SSBP2: variants seen among roughly 807,000 people sequenced by gnomAD.
SSBP2 encodes single stranded DNA binding protein 2.
SSBP2 carries 17 observed loss-of-function variants against 61.8 expected under a neutral mutation model. That is an observed-to-expected ratio of 0.28 (90% CI 0.19 to 0.41). The LOEUF (loss-of-function observed/expected upper bound fraction) is 0.41, where lower values mean the gene tolerates loss of function less well. Ranked by LOEUF, SSBP2 falls within the 10% of genes least tolerant of loss-of-function variation. The pLI is 1.00. For synonymous variants in SSBP2, 139 were observed against 141.3 expected (o/e 0.98, Z 0.12); for missense variants, 310 against 458.7 (o/e 0.68, Z 2.96).
intron 4 of SSBP2, among the ~76,000 whole-genome samples, chr5:81,552,001 A>AGGAGG: frequency 6.6e-6 from 1 of 152,156 alleles, no homozygotes; most frequent in Non-Finnish European, 1.5e-5. Flanking sequence ...CAGTGTATCA[A>AGGAGG]CTCACACTTC....
At chr5:81,453,430 T>C (rs910633363) in intron 10 of SSBP2, among the ~76,000 whole-genome samples, 2 of 151,286 alleles carry the variant, frequency 1.3e-5, no homozygotes, top group Non-Finnish European at 1.5e-5. Context: ...ATGCAGTGAT[T>C]AGGAAATATC....
intron 9 of SSBP2, among the ~76,000 whole-genome samples, chr5:81,465,328 T>A (rs538413142): frequency 2.0e-5 from 3 of 152,056 alleles, no homozygotes; most frequent in South Asian, 4.1e-4. Context: ...CAAAAAGTAA[T>A]CATATTAAAA....
Position 81,475,661 on chromosome 5 carries a change from C to T in SSBP2, c.433-1099G>A, listed in dbSNP as rs180907656. 4.6e-5 allele frequency among the ~76,000 whole-genome samples: 7 copies of T among 152,054 alleles called. No individual in the cohort carries two copies. In the East Asian group the frequency reaches 1.4e-3, roughly 29 times the overall value. On this transcript the variant is annotated intron_variant, in intron 6 of 16. Transcript: ENST00000320672. ...ATCAACAATGTTTAAATGCCAACCA[C>T]TAAAAACAAGACAAAATAAAAACTA...
intron 4 of SSBP2, among the ~76,000 whole-genome samples, chr5:81,528,804 T>C (rs1770160512): frequency 6.6e-6 from 1 of 152,060 alleles, no homozygotes. Flanking sequence ...AAAGGAACAA[T>C]TTACAAGCAA....
At chr5:81,629,114 G>A (rs1260831861) in intron 3 of SSBP2, among the ~76,000 whole-genome samples, 1 of 152,126 alleles carries the variant, frequency 6.6e-6, no homozygotes, top group Admixed American at 6.6e-5. Flanking sequence ...AGCCTCCCAA[G>A]TAGCTGGGAT....
intron 1 of SSBP2, among the ~76,000 whole-genome samples, chr5:81,700,489 G>A (rs984845386): frequency 6.6e-6 from 1 of 152,162 alleles, no homozygotes; most frequent in African/African-American, 2.4e-5. Flanking sequence ...ATAAGCATTG[G>A]CTTCAGCTTA....
intron 1 of SSBP2, among the ~76,000 whole-genome samples, chr5:81,676,404 G>A (rs1751987199): frequency 2.6e-5 from 4 of 152,184 alleles, no homozygotes; most frequent in South Asian, 4.2e-4. Flanking sequence ...ATATCTACAG[G>A]AGAGGGGCCA....
At chr5:81,672,252 T>C (rs1194976250) in intron 1 of SSBP2, among the ~76,000 whole-genome samples, 1 of 143,316 alleles carries the variant, frequency 7.0e-6, no homozygotes, top group Non-Finnish European at 1.6e-5. Flanking sequence ...TATGCACATA[T>C]AATTGAAAAG....
intron 1 of SSBP2, among the ~76,000 whole-genome samples, chr5:81,747,956 A>C (rs542898211): frequency 1.3e-5 from 2 of 152,342 alleles, no homozygotes; most frequent in South Asian, 4.1e-4. Flanking sequence ...TTTTCTTAAA[A>C]TGACAGAGTA....
intron 1 of SSBP2, among the ~76,000 whole-genome samples, chr5:81,717,067 A>G (rs1755213235): frequency 6.6e-6 from 1 of 152,148 alleles, no homozygotes; most frequent in South Asian, 2.1e-4. Context: ...TTGATTCTTA[A>G]TATTAATATA....
At chr5:81,746,818 C>T (rs1437365446) in intron 1 of SSBP2, among the ~76,000 whole-genome samples, 1 of 152,058 alleles carries the variant, frequency 6.6e-6, no homozygotes, top group East Asian at 1.9e-4. Context: ...TGCTTTCTAG[C>T]AGATTCATCT....
chr5:81,530,740 A>G (rs1393529427), intron 4 of SSBP2, among the ~76,000 whole-genome samples: 1 of 152,094 alleles, frequency 6.6e-6, no homozygotes, highest in Non-Finnish European at 1.5e-5. Context: ...CAAGTGAAAG[A>G]GCTGTGCCTT....
At chr5:81,431,410 A>C (rs1762277946) in intron 15 of SSBP2, among the ~76,000 whole-genome samples, 1 of 152,154 alleles carries the variant, frequency 6.6e-6, no homozygotes, top group Non-Finnish European at 1.5e-5. Context: ...CATTTCTTCA[A>C]GTTGGAAATT....
intron 4 of SSBP2, among the ~76,000 whole-genome samples, chr5:81,541,719 T>C (rs570979326): frequency 1.3e-5 from 2 of 152,164 alleles, no homozygotes; most frequent in Non-Finnish European, 2.9e-5. Context: ...GCTAGCCATA[T>C]GTGGAAGAAT....
intron 5 of SSBP2, among the ~76,000 whole-genome samples, chr5:81,505,898 G>A (rs1768143753): frequency 6.6e-6 from 1 of 152,156 alleles, no homozygotes; most frequent in African/African-American, 2.4e-5. Flanking sequence ...TAATAGGAAA[G>A]TGTTTCATTT....
At chr5:81,631,849 T>TTG (rs1747755769) in intron 3 of SSBP2, among the ~76,000 whole-genome samples, 1 of 152,142 alleles carries the variant, frequency 6.6e-6, no homozygotes, top group African/African-American at 2.4e-5. Context: ...TCATCATCAT[T>TTG]TTACAGATGG....
At chr5:81,552,657 A>T in intron 4 of SSBP2, among the ~76,000 whole-genome samples, 1 of 151,752 alleles carries the variant, frequency 6.6e-6, no homozygotes, top group South Asian at 2.1e-4. Context: ...AAAAAGAAAA[A>T]AGAAAGAAGA....
Position 81,434,957 on chromosome 5 carries a change from C to T in SSBP2, c.957+2473G>A, listed in dbSNP as rs917563968. ...GGGGTATACAATGTGCACGATGCTA[C>T]TGATGCTCTTAAGAGAAAAAGTGAC... On this transcript the variant is annotated intron_variant, in intron 15 of 16. Coordinates refer to ENST00000320672, the MANE Select transcript of SSBP2 (RefSeq NM_012446.5). 2.6e-5 allele frequency among the ~76,000 whole-genome samples: 4 copies of T among 152,112 alleles called. No homozygotes were observed. In the East Asian group the frequency reaches 5.8e-4, roughly 22 times the overall value.
intron 4 of SSBP2, among the ~76,000 whole-genome samples, chr5:81,523,380 T>G (rs760128039): frequency 6.6e-6 from 1 of 151,978 alleles, no homozygotes; most frequent in African/African-American, 2.4e-5. Flanking sequence ...CCAGAAAAGG[T>G]AGATAACAAG....
Sources: allele counts gnomAD v4.1 joint callset (sites outside exome capture counted in the v4.1 genomes callset), GRCh38; gene constraint gnomAD v4.1.1; transcripts MANE v1.5; gene names NCBI Gene and HGNC (gene_info 2026-07-23, HGNC 2026-07-21).